The following TYW1B variants were observed in gnomAD, a reference collection of about 807,000 sequenced individuals.
TYW1B encodes S-adenosyl-L-methionine-dependent tRNA 4-demethylwyosine synthase TYW1B.
Under a neutral mutation model 86.9 loss-of-function variants are expected in TYW1B, and 73 were observed. That is an observed-to-expected ratio of 0.84 (90% CI 0.70 to 1.02). The LOEUF (loss-of-function observed/expected upper bound fraction) is 1.02. TYW1B is among the 50% of genes least tolerant of loss of function. The probability of loss-of-function intolerance (pLI) is 0.00; values close to 1 mark genes in which losing one functional copy is unlikely to be tolerated. For synonymous variants in TYW1B, 248 were observed against 292.8 expected (o/e 0.85, Z 1.56); for missense variants, 637 against 827.4 (o/e 0.77, Z 2.82).
At chr7:72,758,830 G>A (rs782777827) in intron 7 of TYW1B, among the ~76,000 whole-genome samples, 10 of 152,098 alleles carry the variant, frequency 6.6e-5, no homozygotes, top group African/African-American at 9.7e-5. Flanking sequence ...CTACAAAATC[G>A]ACATTCTGTC....
intron 11 of TYW1B, among the ~76,000 whole-genome samples, chr7:72,655,004 C>A (rs1330081065): frequency 6.6e-6 from 1 of 152,112 alleles, no homozygotes; most frequent in East Asian, 1.9e-4. Flanking sequence ...GAATTCTGTA[C>A]TATCTTTGTA....
chr7:72,807,014 A>C (rs1554476805), intron 5 of TYW1B, 52 bp downstream of exon 5: 1 of 1,578,050 alleles, frequency 6.3e-7, no homozygotes, highest in African/African-American at 1.3e-5. Context: ...CAAGCTCGAG[A>C]TCTCCAAGCA....
chr7:72,771,086 T>C (rs113987997), intron 7 of TYW1B, among the ~76,000 whole-genome samples: 65 of 150,522 alleles, frequency 4.3e-4, no homozygotes, highest in Admixed American at 9.4e-4. Context: ...CCTCAGCCTC[T>C]CGAATAGCTG....
Position 72,800,408 on chromosome 7 carries a change from A to G in TYW1B, c.846+1992T>C, listed in dbSNP as rs377312146. Reference sequence around the variant, plus strand: ...GAGATGGGGTTTCACTATGTTGCTGAGCCTGGTCCCAAACTTCTGGCCTCA... The same window carrying G: ...GAGATGGGGTTTCACTATGTTGCTGGGCCTGGTCCCAAACTTCTGGCCTCA... On this transcript the variant is annotated intron_variant, in intron 6 of 13. Transcript: ENST00000620995. Among the ~76,000 whole-genome samples the G allele has an allele frequency of 1.4e-4, 21 of 152,074 alleles. No homozygotes were observed. The East Asian group carries it at 2.7e-3, about 20-fold the overall frequency.
intron 13 of TYW1B, among the ~76,000 whole-genome samples, chr7:72,590,380 C>A (rs35638515): frequency 2.2e-4 from 34 of 152,276 alleles, no homozygotes; most frequent in Non-Finnish European, 1.0e-4. Context: ...CATGGAAGGG[C>A]GGAATAGAGG....
At chr7:72,624,946 C>T (rs1812306073) in intron 12 of TYW1B, among the ~76,000 whole-genome samples, 2 of 151,676 alleles carry the variant, frequency 1.3e-5, no homozygotes, top group South Asian at 4.2e-4. Flanking sequence ...GTAATCCCAG[C>T]TATTTGGGTG....
At position 72,652,651 on chromosome 7, in the gene TYW1B, C is replaced by T. The variant is rs1248545464; in HGVS notation, c.1507-23654G>A. Reference sequence around the variant, plus strand: ...TTGAACTTACAGAAAGTCAGCTGTACACTTTTTATACACCTTAGTGATATA... The same window carrying T: ...TTGAACTTACAGAAAGTCAGCTGTATACTTTTTATACACCTTAGTGATATA... On this transcript the variant is annotated intron_variant, in intron 11 of 13. Transcript: ENST00000620995. Among the ~76,000 whole-genome samples the T allele has an allele frequency of 2.6e-5, 4 of 152,068 alleles. No individual in the cohort carries two copies. The East Asian group carries it at 7.7e-4, about 29-fold the overall frequency.
At chr7:72,665,530 T>C (rs1169740737) in intron 11 of TYW1B, among the ~76,000 whole-genome samples, 3 of 152,254 alleles carry the variant, frequency 2.0e-5, no homozygotes, top group African/African-American at 4.8e-5. Context: ...GGTCCAATTC[T>C]GAATATTGTT....
intron 11 of TYW1B, among the ~76,000 whole-genome samples, chr7:72,632,457 A>G (rs1238899086): frequency 1.0e-5 from 1 of 98,274 alleles, no homozygotes; most frequent in Non-Finnish European, 1.9e-5. Flanking sequence ...TAAAATATAT[A>G]TATACATATA....
intron 8 of TYW1B, among the ~76,000 whole-genome samples, chr7:72,743,477 A>G (rs1288551835): frequency 6.6e-6 from 1 of 152,192 alleles, no homozygotes; most frequent in Non-Finnish European, 1.5e-5. Flanking sequence ...CAACAAAATG[A>G]GCTGCTATGA....
At chr7:72,769,970 C>G (rs1241125966) in intron 7 of TYW1B, among the ~76,000 whole-genome samples, 5 of 151,942 alleles carry the variant, frequency 3.3e-5, no homozygotes, top group African/African-American at 4.8e-5. Context: ...ATCCCACTTA[C>G]TCAGGAGACT....
intron 11 of TYW1B, among the ~76,000 whole-genome samples, chr7:72,658,797 T>C (rs1275173921): frequency 1.3e-5 from 2 of 152,192 alleles, no homozygotes; most frequent in African/African-American, 2.4e-5. Flanking sequence ...CTCGGCTCAC[T>C]GCAACCTCCA....
intron 8 of TYW1B, among the ~76,000 whole-genome samples, chr7:72,733,774 TA>T (rs1422430175): frequency 4.6e-5 from 7 of 152,226 alleles, no homozygotes; most frequent in Middle Eastern, 6.8e-3. Flanking sequence ...GAAGAATAAA[TA>T]TAGTTAAAGT....
At chr7:72,684,349 T>C (rs1813951961) in intron 11 of TYW1B, among the ~76,000 whole-genome samples, 1 of 151,890 alleles carries the variant, frequency 6.6e-6, no homozygotes, top group Non-Finnish European at 1.5e-5. Flanking sequence ...GAAAAAAGCC[T>C]TATCTATAGA....
intron 7 of TYW1B, among the ~76,000 whole-genome samples, chr7:72,749,964 A>G (rs1787471672): frequency 9.3e-6 from 1 of 108,078 alleles, no homozygotes; most frequent in South Asian, 3.4e-4. Context: ...ATCATAGCTC[A>G]CTGTAGCCTC....
At chr7:72,709,916 C>T (rs1554454385) in intron 10 of TYW1B, among the ~76,000 whole-genome samples, 7 of 152,152 alleles carry the variant, frequency 4.6e-5, no homozygotes, top group Non-Finnish European at 1.5e-5. Flanking sequence ...CATCCTATCT[C>T]ATTTGTTTGT....
rs568197614 is a variant in TYW1B at position 72,810,720 on chromosome 7, C to T, written c.238-55G>A. On this transcript the variant is annotated intron_variant, in intron 3 of 13. Coordinates refer to ENST00000620995, the MANE Select transcript of TYW1B (RefSeq NM_001145440.3). Reference sequence around the variant, plus strand: ...ACATACAAGGCATAAATTATCTCAACGAAGAAAATCCTTTGAAAAAAAGCA... The same window carrying T: ...ACATACAAGGCATAAATTATCTCAATGAAGAAAATCCTTTGAAAAAAAGCA... 4,059 of 1,519,918 alleles carry T rather than the reference C, an allele frequency of 2.7e-3. 55 individuals carry two copies. The highest frequency in any genetic ancestry group is 0.011 in the Middle Eastern group (61 of 5,548). The allele number at this position is 1,519,918 out of a possible 1,614,324, so 94.2% of individuals were successfully genotyped here.
chr7:72,804,348 C>G (rs1441716195), intron 5 of TYW1B, among the ~76,000 whole-genome samples: 1 of 151,692 alleles, frequency 6.6e-6, no homozygotes, highest in Non-Finnish European at 1.5e-5. Context: ...CATATGCTGG[C>G]CAATATGCCC....
At chr7:72,781,140 A>G (rs782549168) in intron 6 of TYW1B, among the ~76,000 whole-genome samples, 16 of 152,118 alleles carry the variant, frequency 1.1e-4, no homozygotes, top group Non-Finnish European at 2.2e-4. Flanking sequence ...TTCAGTTGCC[A>G]TGAACCCCCA....
Sources: gnomAD v4.1 joint callset for allele counts (sites outside exome capture counted in the v4.1 genomes callset) on GRCh38, gnomAD v4.1.1 for gene constraint, MANE v1.5 for transcripts, NCBI Gene and HGNC (gene_info 2026-07-23, HGNC 2026-07-21) for gene names.